The following MAP2K6 variants were observed in gnomAD, a reference collection of about 807,000 sequenced individuals.
MAP2K6 encodes the protein dual specificity mitogen-activated protein kinase kinase 6.
MAP2K6 carries 16 observed loss-of-function variants against 53.7 expected under a neutral mutation model. The observed-to-expected ratio is 0.30, with a 90% CI of 0.20 to 0.45. The LOEUF is 0.45. MAP2K6 is among the 20% of genes least tolerant of loss of function. The pLI is 1.00. For missense variants in MAP2K6, 204 were observed against 411.9 expected (o/e 0.50, Z 4.37); for synonymous variants, 132 against 143.1 (o/e 0.92, Z 0.55).
At chr17:69,459,980 C>T (rs778641820) in intron 1 of MAP2K6, among the ~76,000 whole-genome samples, 27 of 143,590 alleles carry the variant, frequency 1.9e-4, no homozygotes, top group Non-Finnish European at 3.5e-4. Flanking sequence ...CTTCCACCTT[C>T]CCTCCCTCCC....
rs369681289 is a variant in MAP2K6, at chr17:69,466,647, C to T, written c.17-39133C>T. Among the ~76,000 whole-genome samples, 190 of 152,338 alleles carry T rather than the reference C, an allele frequency of 1.2e-3. 6 individuals are homozygous for T. In the South Asian group the frequency reaches 0.031, roughly 25 times the overall value. On this transcript the variant is annotated intron_variant, in intron 1 of 11. Coordinates refer to ENST00000590474, the MANE Select transcript of MAP2K6 (RefSeq NM_002758.4). ...TGCTCTTAGCAATCCCTGTGAATGC[C>T]GGGAAATCCCGTGGCATTTTCTTAC...
intron 1 of MAP2K6, among the ~76,000 whole-genome samples, chr17:69,421,715 T>A (rs1213781509): frequency 6.6e-6 from 1 of 151,700 alleles, no homozygotes; most frequent in Non-Finnish European, 1.5e-5. Flanking sequence ...CTAATTTTTT[T>A]TGTATTTTTA....
chr17:69,507,749 C>T (rs1463531563), intron 2 of MAP2K6, among the ~76,000 whole-genome samples: 1 of 152,122 alleles, frequency 6.6e-6, no homozygotes, highest in East Asian at 1.9e-4. Context: ...GGTAGTTTTC[C>T]ATTTTTGGCT....
intron 1 of MAP2K6, among the ~76,000 whole-genome samples, chr17:69,469,327 C>T (rs1255384056): frequency 6.6e-6 from 1 of 152,246 alleles, no homozygotes; most frequent in Non-Finnish European, 1.5e-5. Context: ...CCTGATCAAT[C>T]ATTAACTTTA....
At position 69,494,256 on chromosome 17, in the gene MAP2K6, G is replaced by A. The variant is rs577683600; in HGVS notation, c.17-11524G>A. On this transcript the variant is annotated intron_variant, in intron 1 of 11. Transcript: ENST00000590474. The surrounding 1 kb of genome is among the most constrained non-coding windows in gnomAD (Gnocchi z 4.2). ...CTCACGCCTGTAATCCCAGCATGTT[G>A]GGAGGCCAAGGCGGGCAGATCACCT... 1.2e-4 allele frequency among the ~76,000 whole-genome samples: 18 copies of A among 152,342 alleles called. No individual in the cohort carries two copies. Among genetic ancestry groups the A allele is most frequent in the African/African-American group, 3.4e-4 (14 of 41,570 alleles).
chr17:69,429,780 C>T (rs1339245344), intron 1 of MAP2K6, among the ~76,000 whole-genome samples: 2 of 152,160 alleles, frequency 1.3e-5, no homozygotes, highest in Non-Finnish European at 2.9e-5. Context: ...CAGCTGAGAG[C>T]TGATGTCCAT....
At chr17:69,507,608 A>G (rs1451043301) in intron 2 of MAP2K6, among the ~76,000 whole-genome samples, 4 of 152,036 alleles carry the variant, frequency 2.6e-5, no homozygotes, top group African/African-American at 9.7e-5. Context: ...TTTTTGTTCA[A>G]TGTAATTTTA....
intron 1 of MAP2K6, among the ~76,000 whole-genome samples, chr17:69,495,657 C>T (rs1002870691): frequency 6.6e-6 from 1 of 152,084 alleles, no homozygotes; most frequent in African/African-American, 2.4e-5. Context: ...CTCTATCCCC[C>T]ACTCTGCCTT....
At chr17:69,524,805 T>C in intron 8 of MAP2K6, 96 bp from the exon 9 acceptor site, 1 of 848,200 alleles carries the variant, frequency 1.2e-6, no homozygotes, top group East Asian at 2.5e-5. Context: ...ACAACTCACT[T>C]GGCAGCTGGT....
chr17:69,436,894 G>A (rs1014953877), intron 1 of MAP2K6, among the ~76,000 whole-genome samples: 4 of 150,822 alleles, frequency 2.7e-5, no homozygotes, highest in East Asian at 1.9e-4. Context: ...GTATGATCTC[G>A]GTTCACTACA....
At chr17:69,431,521 G>A (rs1262078384) in intron 1 of MAP2K6, among the ~76,000 whole-genome samples, 2 of 152,172 alleles carry the variant, frequency 1.3e-5, no homozygotes, top group East Asian at 1.9e-4. Context: ...ACAAATAAGT[G>A]CATGTGTTTG....
intron 11 of MAP2K6, among the ~76,000 whole-genome samples, chr17:69,539,291 T>C (rs993362858): frequency 2.0e-5 from 3 of 152,228 alleles, no homozygotes; most frequent in Non-Finnish European, 4.4e-5. Flanking sequence ...GGCACATCAG[T>C]GAGACTAAAT....
chr17:69,518,967 C>G (rs115679657), intron 4 of MAP2K6, among the ~76,000 whole-genome samples: 3 of 152,172 alleles, frequency 2.0e-5, no homozygotes, highest in Admixed American at 6.5e-5. Context: ...TCTTGGGACC[C>G]CAGATAAGCA....
intron 1 of MAP2K6, among the ~76,000 whole-genome samples, chr17:69,424,289 G>A (rs1906191893): frequency 6.6e-6 from 1 of 152,156 alleles, no homozygotes; most frequent in Non-Finnish European, 1.5e-5. Context: ...AGCTTTGGTA[G>A]AATGAGCCCA....
At chr17:69,501,380 C>T (rs1909166921) in intron 1 of MAP2K6, among the ~76,000 whole-genome samples, 1 of 152,176 alleles carries the variant, frequency 6.6e-6, no homozygotes, top group Admixed American at 6.5e-5. Context: ...CAGAGGAGTG[C>T]TTTGTGCTTA....
At chr17:69,463,996 C>T (rs1431993529) in intron 1 of MAP2K6, among the ~76,000 whole-genome samples, 2 of 151,862 alleles carry the variant, frequency 1.3e-5, no homozygotes, top group Non-Finnish European at 2.9e-5. Context: ...TCCAGCTATA[C>T]ATTGCATAGG....
chr17:69,519,122 C>G (rs1361183871), intron 4 of MAP2K6, among the ~76,000 whole-genome samples, 191 bp from the exon 5 acceptor site: 1 of 152,214 alleles, frequency 6.6e-6, no homozygotes, highest in Non-Finnish European at 1.5e-5. Flanking sequence ...CAGGACTATT[C>G]AGGAAATCAA....
At chr17:69,454,590 G>C (rs1034100092) in intron 1 of MAP2K6, among the ~76,000 whole-genome samples, 1 of 151,326 alleles carries the variant, frequency 6.6e-6, no homozygotes, top group African/African-American at 2.4e-5. Flanking sequence ...ATGGGGTTTC[G>C]CTATGTTGAC....
At position 69,507,978 on chromosome 17, in the gene MAP2K6, CA is replaced by C. The variant is rs1467610574; in HGVS notation, c.83+2133del. On this transcript the variant is annotated intron_variant, in intron 2 of 11. Transcript: ENST00000590474. ...TAATCTAGTTTTTCTGGATCTCTGCCAGCAATTGGTATTATCAGTGTTTTTC... is the reference window on the plus strand; with the variant it reads ...TAATCTAGTTTTTCTGGATCTCTGCCGCAATTGGTATTATCAGTGTTTTTC... 1.0e-4 allele frequency among the ~76,000 whole-genome samples: 15 copies of C among 149,448 alleles called. 2 individuals carry two copies. The Admixed American group carries it at 1.0e-3, about 10-fold the overall frequency.
Sources: allele counts gnomAD v4.1 joint callset (sites outside exome capture counted in the v4.1 genomes callset), GRCh38; gene constraint gnomAD v4.1.1; non-coding constraint Gnocchi (gnomAD v3.1); transcripts MANE v1.5; gene names NCBI Gene and HGNC (gene_info 2026-07-23, HGNC 2026-07-21).